Variants in ACADL observed in about 807,000 individuals in gnomAD.
ACADL encodes the protein long-chain specific acyl-CoA dehydrogenase, mitochondrial.
Under a neutral mutation model 56.9 loss-of-function variants are expected in ACADL, and 60 were observed. That is an observed-to-expected ratio of 1.05 (90% CI 0.86 to 1.31). The LOEUF is 1.31. ACADL is among the 50% of genes most tolerant of loss of function. The pLI is 0.00. For missense variants in ACADL, 484 were observed against 525.5 expected, an observed-to-expected ratio of 0.92 and a Z score of 0.77; for synonymous variants, 158 against 179.7, an observed-to-expected ratio of 0.88 and a Z score of 0.97.
At chr2:210,223,364 TCTC>T (rs748144240) in intron 1 of ACADL, among the ~76,000 whole-genome samples, 14 of 152,084 alleles carry the variant, frequency 9.2e-5, no homozygotes, top group Non-Finnish European at 1.9e-4. Context: ...TTTTTTAAAG[TCTC>T]CTACATTTTA....
chr2:210,219,127 C>T (rs1295503345), intron 2 of ACADL, among the ~76,000 whole-genome samples: 4 of 152,170 alleles, frequency 2.6e-5, no homozygotes, highest in Non-Finnish European at 5.9e-5. Context: ...GTTTTGAATA[C>T]AGTTCTTGCT....
At position 210,225,092 on chromosome 2, in the gene ACADL, G is replaced by T. The variant is rs1281979241; in HGVS notation, c.77+95C>A. On this transcript the variant is annotated intron_variant, in intron 1 of 10. Coordinates refer to ENST00000233710, the MANE Select transcript of ACADL (RefSeq NM_001608.4). ...TTGGGGAGCACTCCCAGCCGCGCGCGCACCGCCCTGCTTCAAGCCAGCGAC... is the reference window on the plus strand; with the variant it reads ...TTGGGGAGCACTCCCAGCCGCGCGCTCACCGCCCTGCTTCAAGCCAGCGAC... 4.6e-6 allele frequency: 7 copies of T among 1,516,924 alleles called. 1 individual carries two copies. In the South Asian group the frequency reaches 6.1e-5, roughly 13 times the overall value. 94.0% of individuals were successfully genotyped at this position (1,516,924 alleles called of 1,614,324 possible).
At chr2:210,214,513 G>A (rs1023119153) in intron 4 of ACADL, among the ~76,000 whole-genome samples, 2 of 147,834 alleles carry the variant, frequency 1.4e-5, no homozygotes, top group African/African-American at 5.1e-5. Context: ...GAAAGAAAAA[G>A]AAAGAAAGAA....
chr2:210,197,799 A>G (rs1395033655), intron 8 of ACADL, among the ~76,000 whole-genome samples: 4 of 152,226 alleles, frequency 2.6e-5, no homozygotes, highest in African/African-American at 9.6e-5. Flanking sequence ...AAGCTGAAGT[A>G]AAACTTCAAA....
intron 1 of ACADL, chr2:210,224,983 A>G: frequency 7.2e-7 from 1 of 1,391,836 alleles, no homozygotes; most frequent in South Asian, 1.6e-5. Context: ...CACGGCTGAC[A>G]CCCCTTTTTC....
At position 210,217,873 on chromosome 2, in the gene ACADL, ATTTG is replaced by A. The variant is rs34384847; in HGVS notation, c.371+88_371+91del. The A allele has an allele frequency of 6.0e-3, 8,873 of 1,480,496 alleles. 40 individuals are homozygous for A. The highest frequency in any genetic ancestry group is 0.019 in the East Asian group (823 of 44,104). The allele number at this position is 1,480,496 out of a possible 1,614,324, so 91.7% of individuals were successfully genotyped here. ...TTTCAATCTTCCAAGATTAGAAAACATTTGTTTGTTTGTTTGTTTGTTTGGTCAT... is the reference window on the plus strand; with the variant it reads ...TTTCAATCTTCCAAGATTAGAAAACATTTGTTTGTTTGTTTGTTTGGTCAT... On this transcript the variant is annotated intron_variant, in intron 3 of 10. Transcript: ENST00000233710.
intron 8 of ACADL, among the ~76,000 whole-genome samples, chr2:210,197,906 T>C (rs183342241): frequency 2.0e-5 from 3 of 152,224 alleles, no homozygotes; most frequent in African/African-American, 7.2e-5. Flanking sequence ...ATTTACTCTC[T>C]GAGGATAAAA....
At chr2:210,192,673 T>G in intron 10 of ACADL, 131 bp downstream of exon 10, 1 of 704,934 alleles carries the variant, frequency 1.4e-6, no homozygotes, top group Non-Finnish European at 2.5e-6. Context: ...TTGAATACAT[T>G]TTGTCTGTAT....
intron 8 of ACADL, among the ~76,000 whole-genome samples, chr2:210,201,854 C>T (rs1688798058): frequency 6.6e-6 from 1 of 152,080 alleles, no homozygotes; most frequent in African/African-American, 2.4e-5. Flanking sequence ...TGCAAAAACC[C>T]TCAAGTTCCT....
intron 8 of ACADL, among the ~76,000 whole-genome samples, chr2:210,199,610 C>T (rs78714565): frequency 0.017 from 2,586 of 151,730 alleles, 80 homozygotes; most frequent in African/African-American, 0.06. Flanking sequence ...ATATAGTCAT[C>T]CTTGTTGTAA....
At chr2:210,205,603 A>G in intron 6 of ACADL, 29 bp downstream of exon 6, 5 of 1,608,540 alleles carry the variant, frequency 3.1e-6, no homozygotes, top group Non-Finnish European at 4.3e-6. Context: ...CTCAATTAGT[A>G]TCTGAATATG....
rs551310623 is a variant in ACADL at position 210,190,543 on chromosome 2, T to G, written c.1200-1489A>C. 4.6e-5 allele frequency among the ~76,000 whole-genome samples: 7 copies of G among 152,270 alleles called. No individual in the cohort carries two copies. The East Asian group carries it at 1.4e-3, about 29-fold the overall frequency. On this transcript the variant is annotated intron_variant, in intron 10 of 10. Coordinates refer to ENST00000233710, the MANE Select transcript of ACADL (RefSeq NM_001608.4). The stretch of plus-strand genomic sequence containing the variant: ...CAGTGAAAGGCGGCAGCAGAAATGT[T>G]TAACCACACTGCAGTGAAGTTCTAC...
Position 210,188,872 on chromosome 2 carries a change from G to A in ACADL, c.*89C>T, listed in dbSNP as rs1207106800. Reference sequence around the variant, plus strand: ...GAGAGAGCAGGTAAAAACATGTTTAGTGTTTCCTCGCTTTCCAAGTTACAT... The same window carrying A: ...GAGAGAGCAGGTAAAAACATGTTTAATGTTTCCTCGCTTTCCAAGTTACAT... On this transcript the variant is annotated 3_prime_UTR_variant, in exon 11 of 11. Coordinates refer to ENST00000233710, the MANE Select transcript of ACADL (RefSeq NM_001608.4). 2.2e-6 allele frequency: 2 copies of A among 907,636 alleles called. No homozygotes were observed. Among genetic ancestry groups the A allele is most frequent in the Non-Finnish European group, 3.7e-6 (2 of 539,502 alleles). The allele number at this position is 907,636 out of a possible 1,614,324, so 56.2% of individuals were successfully genotyped here.
At chr2:210,197,698 G>A (rs751601449) in intron 8 of ACADL, among the ~76,000 whole-genome samples, 1 of 152,088 alleles carries the variant, frequency 6.6e-6, no homozygotes, top group African/African-American at 2.4e-5. Context: ...GGGAATTTAT[G>A]CACTGTCTTT....
intron 4 of ACADL, among the ~76,000 whole-genome samples, chr2:210,214,916 T>C (rs996251463): frequency 2.0e-5 from 3 of 152,212 alleles, no homozygotes; most frequent in African/African-American, 7.2e-5. Context: ...TATTGACCTA[T>C]AATTAGGGAT....
chr2:210,196,655 C>T (rs919299416), intron 8 of ACADL, among the ~76,000 whole-genome samples: 1 of 152,108 alleles, frequency 6.6e-6, no homozygotes, highest in Non-Finnish European at 1.5e-5. Context: ...CTTTGGGTAG[C>T]TCCAAAAGTA....
intron 4 of ACADL, among the ~76,000 whole-genome samples, chr2:210,214,509 A>AAAAG (rs750791512): frequency 2.1e-4 from 4 of 18,894 alleles, no homozygotes; most frequent in African/African-American, 3.3e-4. Context: ...GAAAGAAAGA[A>AAAAG]AAAGAAAGAA....
chr2:210,222,228 T>C (rs916921556), intron 1 of ACADL, among the ~76,000 whole-genome samples: 7 of 152,140 alleles, frequency 4.6e-5, no homozygotes, highest in Non-Finnish European at 8.8e-5. Context: ...AAAGGGAAAC[T>C]GAATAAACAA....
chr2:210,220,503 T>C (rs1052247965), intron 2 of ACADL, 144 bp downstream of exon 2: 8 of 688,532 alleles, frequency 1.2e-5, no homozygotes, highest in Admixed American at 7.6e-5. Context: ...CCTGGGATCT[T>C]ATAGTACTAC....
Sources: allele counts gnomAD v4.1 joint callset (sites outside exome capture counted in the v4.1 genomes callset), GRCh38; gene constraint gnomAD v4.1.1; transcripts MANE v1.5; gene names NCBI Gene and HGNC (gene_info 2026-07-23, HGNC 2026-07-21).